MAST2: variants seen among roughly 807,000 people sequenced by gnomAD.
MAST2 encodes microtubule associated serine/threonine kinase 2.
Under a neutral mutation model 147.4 loss-of-function variants are expected in MAST2, and 70 were observed. The ratio of observed to expected loss-of-function variants is 0.47; its 90% CI spans 0.39 to 0.58. The LOEUF (loss-of-function observed/expected upper bound fraction) is 0.58, where lower values mean the gene tolerates loss of function less well. Ranked by LOEUF, MAST2 falls within the 20% of genes least tolerant of loss-of-function variation. The pLI, the probability that MAST2 is intolerant of heterozygous loss-of-function variation, is 0.00. For synonymous variants in MAST2, 869 were observed against 896.8 expected, an observed-to-expected ratio of 0.97 and a Z score of 0.55; for missense variants, 2,080 against 2,302.3, an observed-to-expected ratio of 0.90 and a Z score of 1.98.
chr1:46,003,465 C>T (rs1645355899), intron 7 of MAST2, among the ~76,000 whole-genome samples: 1 of 152,064 alleles, frequency 6.6e-6, no homozygotes. Context: ...CCCTTAAGCC[C>T]TCATTGAGCA....
At chr1:45,832,854 T>C (rs907608998) in intron 3 of MAST2, among the ~76,000 whole-genome samples, 1 of 152,190 alleles carries the variant, frequency 6.6e-6, no homozygotes, top group Non-Finnish European at 1.5e-5. Flanking sequence ...TTTTGGTGTA[T>C]TTCACAGACA....
chr1:45,881,662 A>G (rs759592016), intron 3 of MAST2, among the ~76,000 whole-genome samples: 41 of 151,940 alleles, frequency 2.7e-4, no homozygotes, highest in Non-Finnish European at 5.7e-4. Flanking sequence ...TCTAGTTATC[A>G]CCCACTGCCC....
intron 4 of MAST2, among the ~76,000 whole-genome samples, chr1:45,953,843 A>C (rs1042529711): frequency 5.9e-5 from 9 of 152,182 alleles, no homozygotes; most frequent in Admixed American, 4.6e-4. Flanking sequence ...AGGGTATTGA[A>C]ATCCAGGTAA....
At chr1:46,032,144 C>T (rs1436193904) in intron 24 of MAST2, 34 bp from the exon 25 acceptor site, 1 of 1,557,952 alleles carries the variant, frequency 6.4e-7, no homozygotes, top group African/African-American at 1.4e-5. Context: ...CCAAAGCCCT[C>T]TGACCCACTA....
chr1:45,900,841 T>A (rs1273778025), intron 4 of MAST2, among the ~76,000 whole-genome samples: 1 of 152,218 alleles, frequency 6.6e-6, no homozygotes, highest in Non-Finnish European at 1.5e-5. Flanking sequence ...TGCCTACTTT[T>A]TAGCAGATTT....
intron 7 of MAST2, among the ~76,000 whole-genome samples, chr1:46,004,498 A>G (rs1241696661): frequency 6.6e-6 from 1 of 152,188 alleles, no homozygotes; most frequent in Non-Finnish European, 1.5e-5. Context: ...ATTCTTTAAA[A>G]TACCAGTTTT....
At chr1:46,028,730 C>T in intron 17 of MAST2, 38 bp from the exon 18 acceptor site, 1 of 1,612,316 alleles carries the variant, frequency 6.2e-7, no homozygotes. Context: ...AGTCAGCAGC[C>T]TCAGGAGGCT....
chr1:45,999,631 A>G (rs1645193054), intron 6 of MAST2, among the ~76,000 whole-genome samples: 1 of 152,172 alleles, frequency 6.6e-6, no homozygotes, highest in Non-Finnish European at 1.5e-5. Flanking sequence ...GAGTCTGTGT[A>G]CTGGTTGTTT....
chr1:45,896,968 A>G (rs771958999), intron 4 of MAST2, among the ~76,000 whole-genome samples: 16 of 152,212 alleles, frequency 1.1e-4, no homozygotes, highest in African/African-American at 3.1e-4. Context: ...ACTTTCATGC[A>G]TCTGGAATAA....
At chr1:45,958,725 A>G (rs954724193) in intron 4 of MAST2, among the ~76,000 whole-genome samples, 5 of 152,174 alleles carry the variant, frequency 3.3e-5, no homozygotes, top group African/African-American at 1.2e-4. Context: ...ATAAATGGCA[A>G]ACTTCCCTAA....
In MAST2 at chr1:46,023,254, T is replaced by C; in HGVS notation, c.1507T>C (p.Ser503Pro). The part of the protein sequence containing the change: ...SIEGHGASLP[S>P]KKTPSEEDFE... ...CCAGGGCCATGGGGCATCTCTGCCA[T>C]CTAAAAAGACACCCTCTGAAGAGGA... Residue 503 changes from serine (S) to proline (P), a missense_variant, in exon 14 of 29, where the codon TCT (serine) becomes CCT (proline). This residue lies in a region of MAST2 where 569 missense variants were observed against 642.5 expected (regional missense o/e 0.89). Coordinates refer to ENST00000361297, the MANE Select transcript of MAST2 (RefSeq NM_015112.3). The surrounding 1 kb of genome is among the most constrained non-coding windows in gnomAD (Gnocchi z 4.9). The C allele has an allele frequency of 6.2e-7, 1 of 1,614,148 alleles. No individual in the cohort carries two copies. Among genetic ancestry groups the C allele is most frequent in the Non-Finnish European group, 8.5e-7 (1 of 1,180,020 alleles).
intron 4 of MAST2, among the ~76,000 whole-genome samples, chr1:45,898,848 G>A (rs1177929459): frequency 6.6e-6 from 1 of 152,122 alleles, no homozygotes; most frequent in African/African-American, 2.4e-5. Flanking sequence ...GACTGAGTTG[G>A]CCACCTCAAG....
At chr1:45,932,991 T>G (rs1293388832) in intron 4 of MAST2, among the ~76,000 whole-genome samples, 1 of 146,420 alleles carries the variant, frequency 6.8e-6, no homozygotes, top group Non-Finnish European at 1.5e-5. Flanking sequence ...TCAGGCATGG[T>G]ATAATCCCAG....
In MAST2 at chr1:46,031,111, G is replaced by A. The variant is rs563202707; in HGVS notation, c.2813G>A (p.Arg938Gln). 56 of 1,612,230 alleles carry A rather than the reference G, an allele frequency of 3.5e-5. No homozygotes were observed. Among genetic ancestry groups the A allele is most frequent in the East Asian group, 1.6e-4 (7 of 44,810 alleles). ...RRCSGLLDAP[R>Q]FPEGPEEASS... ...TGCTCAGGCCTCCTGGATGCGCCTC[G>A]GTTCCCGGAGGGCCCTGAGGAGGCC... is the stretch of plus-strand genomic sequence containing the variant. Residue 938 changes from arginine to glutamine, a missense_variant, in exon 23 of 29, where the codon CGG (arginine) becomes CAG (glutamine). By Grantham distance (43) the Arg-to-Gln change is conservative (BLOSUM62 1). This residue lies in a region of MAST2 where 1,278 missense variants were observed against 1,304.2 expected (regional missense o/e 0.98). Coordinates refer to ENST00000361297, the MANE Select transcript of MAST2 (RefSeq NM_015112.3). The surrounding 1 kb of genome is among the most constrained non-coding windows in gnomAD (Gnocchi z 4.1).
intron 4 of MAST2, among the ~76,000 whole-genome samples, chr1:45,886,355 G>A (rs1647089499): frequency 6.7e-6 from 1 of 149,372 alleles, no homozygotes; most frequent in Admixed American, 6.7e-5. Flanking sequence ...CACATTTATA[G>A]TGACATTGGT....
Position 45,803,672 on chromosome 1 carries a change from G to A in MAST2, c.-224G>A. On this transcript the variant is annotated 5_prime_UTR_variant, in exon 1 of 29. Transcript: ENST00000361297. ...CCCAACGTGTGCTGGGTGGGAGAAG[G>A]CGAGGCGTCAGCGATGCTGTCTCTT... is the stretch of plus-strand genomic sequence containing the variant. 1 of 316,728 alleles carries A rather than the reference G, an allele frequency of 3.2e-6. No homozygotes were observed. Among genetic ancestry groups the A allele is most frequent in the African/African-American group, 2.2e-5 (1 of 45,388 alleles). The allele number at this position is 316,728 out of a possible 1,614,324, so 19.6% of individuals were successfully genotyped here.
chr1:45,824,971 G>A (rs1031231094), intron 2 of MAST2, among the ~76,000 whole-genome samples: 1 of 152,144 alleles, frequency 6.6e-6, no homozygotes, highest in African/African-American at 2.4e-5. Flanking sequence ...AAAATTATAC[G>A]AAGAAGTCAC....
At chr1:45,953,687 G>A (rs974061466) in intron 4 of MAST2, among the ~76,000 whole-genome samples, 2 of 152,182 alleles carry the variant, frequency 1.3e-5, no homozygotes, top group Non-Finnish European at 2.9e-5. Context: ...AGCTAGAAGT[G>A]CCTGTGCAAA....
At chr1:45,930,675 T>A (rs1412274807) in intron 4 of MAST2, among the ~76,000 whole-genome samples, 4 of 152,168 alleles carry the variant, frequency 2.6e-5, no homozygotes, top group African/African-American at 7.2e-5. Context: ...CTCTGGATGT[T>A]AGCAGAAATA....
Sources: gnomAD v4.1 joint callset for allele counts (sites outside exome capture counted in the v4.1 genomes callset) on GRCh38, gnomAD v4.1.1 for gene constraint, gnomAD v4.1.1 regional missense constraint, Gnocchi (gnomAD v3.1) non-coding constraint, MANE v1.5 for transcripts, NCBI Gene and HGNC (gene_info 2026-07-23, HGNC 2026-07-21) for gene names.